Variants in SLC30A9 observed in about 807,000 individuals in gnomAD.
The protein encoded by SLC30A9 is proton-coupled zinc antiporter SLC30A9, mitochondrial.
SLC30A9 carries 58 observed loss-of-function variants against 87.5 expected under a neutral mutation model. The observed-to-expected ratio is 0.66, with a 90% CI of 0.54 to 0.82. The LOEUF is 0.82. Ranked by LOEUF, SLC30A9 falls within the 40% of genes least tolerant of loss-of-function variation. SLC30A9 has a pLI of 0.00. For synonymous variants in SLC30A9, 234 were observed against 233.0 expected (o/e 1.00, Z -0.04); for missense variants, 557 against 679.1 (o/e 0.82, Z 2.00).
chr4:42,023,706 A>G (rs2153135711), intron 6 of SLC30A9, among the ~76,000 whole-genome samples: 1 of 152,336 alleles, frequency 6.6e-6, no homozygotes, highest in South Asian at 2.1e-4. Context: ...TAATTGCTGT[A>G]TTAGTCTGTT....
chr4:42,043,218 G>A (rs1239581223), intron 8 of SLC30A9, among the ~76,000 whole-genome samples: 6 of 152,044 alleles, frequency 3.9e-5, no homozygotes, highest in Admixed American at 6.6e-5. Context: ...AAAACTGGAC[G>A]GAGAATGAGT....
chr4:42,049,536 A>G, intron 9 of SLC30A9, 57 bp downstream of exon 9: 1 of 905,238 alleles, frequency 1.1e-6, no homozygotes, highest in Non-Finnish European at 1.7e-6. Context: ...GTAGGCTTTA[A>G]TCTAAAAGTT....
At chr4:41,997,054 A>AAATAAATAAATAAAT (rs1225930486) in intron 1 of SLC30A9, among the ~76,000 whole-genome samples, 1 of 151,284 alleles carries the variant, frequency 6.6e-6, no homozygotes, top group Non-Finnish European at 1.5e-5. Context: ...ATAAATAAAT[A>AAATAAATAAATAAAT]AATAAATAAA....
intron 6 of SLC30A9, chr4:42,029,523 G>A (rs1195761548): frequency 3.0e-6 from 2 of 677,474 alleles, no homozygotes; most frequent in Non-Finnish European, 5.5e-6. Flanking sequence ...CATATGTGCT[G>A]AACGTAGTTA....
In SLC30A9 at chr4:42,018,102, A is replaced by G; in HGVS notation, c.275-9A>G. On this transcript the variant is annotated splice_polypyrimidine_tract_variant and intron_variant, in intron 2 of 17. Coordinates refer to ENST00000264451, the MANE Select transcript of SLC30A9 (RefSeq NM_006345.4). ...GTTTAATGTAAACTTCTTTTAATAA[A>G]CTTTACAGCAGAAGGTATAGGCACA... 1 of 1,493,938 alleles carries G rather than the reference A, an allele frequency of 6.7e-7. No individual in the cohort carries two copies. The highest frequency in any genetic ancestry group is 2.3e-5 in the East Asian group (1 of 43,956). 92.5% of individuals were successfully genotyped at this position (1,493,938 alleles called of 1,614,324 possible).
chr4:42,013,411 G>A (rs1715536921), intron 2 of SLC30A9, among the ~76,000 whole-genome samples: 1 of 151,802 alleles, frequency 6.6e-6, no homozygotes, highest in Non-Finnish European at 1.5e-5. Flanking sequence ...TTGCTTTCTG[G>A]GCAACAAGAA....
At chr4:42,013,396 C>T (rs1320938648) in intron 2 of SLC30A9, among the ~76,000 whole-genome samples, 1 of 152,206 alleles carries the variant, frequency 6.6e-6, no homozygotes, top group Non-Finnish European at 1.5e-5. Context: ...ACCCCCTACC[C>T]ACCTTTGCTT....
At chr4:42,083,040 T>C (rs1718799302) in intron 17 of SLC30A9, among the ~76,000 whole-genome samples, 1 of 152,228 alleles carries the variant, frequency 6.6e-6, no homozygotes, top group Admixed American at 6.5e-5. Context: ...TTTCAGAGTA[T>C]AGATAAACCT....
At chr4:42,082,570 G>T (rs1718779623) in intron 17 of SLC30A9, among the ~76,000 whole-genome samples, 1 of 152,200 alleles carries the variant, frequency 6.6e-6, no homozygotes, top group South Asian at 2.1e-4. Context: ...ACTTGTGGCT[G>T]GGCGCAGTGG....
At chr4:42,062,845 GTT>G in intron 10 of SLC30A9, 139 bp from the exon 11 acceptor site, 2 of 686,956 alleles carry the variant, frequency 2.9e-6, no homozygotes, top group Non-Finnish European at 4.7e-6. Flanking sequence ...TGCTTTTCAA[GTT>G]TGGCACTTAA....
intron 12 of SLC30A9, 95 bp downstream of exon 12, chr4:42,065,444 A>G: frequency 1.3e-6 from 1 of 757,208 alleles, no homozygotes; most frequent in South Asian, 1.5e-5. Context: ...TTGATTAAAG[A>G]AAAGCAAGTG....
chr4:42,051,875 T>A (rs1197291443), intron 9 of SLC30A9, among the ~76,000 whole-genome samples: 1 of 151,910 alleles, frequency 6.6e-6, no homozygotes, highest in Non-Finnish European at 1.5e-5. Context: ...ATAACCCTGA[T>A]GCCAAAATTT....
chr4:42,078,520 A>C (rs1718644700), intron 17 of SLC30A9, 195 bp downstream of exon 17: 2 of 377,816 alleles, frequency 5.3e-6, no homozygotes, highest in Non-Finnish European at 9.6e-6. Flanking sequence ...AAATAGGGAA[A>C]TTGTGATTTG....
intron 6 of SLC30A9, 39 bp downstream of exon 6, chr4:42,023,423 T>C: frequency 7.6e-7 from 1 of 1,311,802 alleles, no homozygotes. Context: ...AATTGAAAAA[T>C]AACTTGTAGA....
chr4:42,008,827 A>G (rs1385467036), intron 2 of SLC30A9, among the ~76,000 whole-genome samples: 1 of 152,172 alleles, frequency 6.6e-6, no homozygotes, highest in South Asian at 2.1e-4. Flanking sequence ...CCTTGTTTTC[A>G]TTCTTTTTCC....
At chr4:42,009,443 C>G (rs1440755834) in intron 2 of SLC30A9, among the ~76,000 whole-genome samples, 1 of 152,158 alleles carries the variant, frequency 6.6e-6, no homozygotes, top group Non-Finnish European at 1.5e-5. Context: ...TTTTAAGGAG[C>G]ATTCAGATTT....
chr4:42,064,995 C>T (rs1718023710), intron 11 of SLC30A9, among the ~76,000 whole-genome samples: 1 of 151,840 alleles, frequency 6.6e-6, no homozygotes, highest in Non-Finnish European at 1.5e-5. Context: ...TACCAAAAAA[C>T]AAACATTGGT....
intron 9 of SLC30A9, among the ~76,000 whole-genome samples, chr4:42,055,848 A>G (rs1432241603): frequency 6.6e-6 from 1 of 152,186 alleles, no homozygotes; most frequent in Non-Finnish European, 1.5e-5. Context: ...CTTAAGGAAC[A>G]CCAGAAACGT....
chr4:42,054,493 A>ATTT (rs35238488), intron 9 of SLC30A9, among the ~76,000 whole-genome samples: 3 of 143,810 alleles, frequency 2.1e-5, no homozygotes, highest in African/African-American at 2.6e-5. Context: ...ATTAGTATTG[A>ATTT]TTTTTTTTTT....
Sources: allele counts gnomAD v4.1 joint callset (sites outside exome capture counted in the v4.1 genomes callset), GRCh38; gene constraint gnomAD v4.1.1; transcripts MANE v1.5; gene names NCBI Gene and HGNC (gene_info 2026-07-23, HGNC 2026-07-21).